SRGAP3: variants seen among roughly 807,000 people sequenced by gnomAD.
SRGAP3 encodes the protein SLIT-ROBO Rho GTPase-activating protein 3.
In SRGAP3, 39 loss-of-function variants were observed where a neutral mutation model predicts 121.1. That is an observed-to-expected ratio of 0.32 (90% CI 0.25 to 0.42). SRGAP3 has a LOEUF of 0.42. Among genes scored for constraint, SRGAP3 ranks in the 10% least tolerant of loss-of-function variants. The pLI is 1.00. For synonymous variants in SRGAP3, 601 were observed against 570.0 expected, an observed-to-expected ratio of 1.05 and a Z score of -0.77; for missense variants, 1,213 against 1,470.6, an observed-to-expected ratio of 0.82 and a Z score of 2.86.
At chr3:9,261,693 G>A (rs374358996) in intron 3 of SRGAP3, among the ~76,000 whole-genome samples, 12 of 151,890 alleles carry the variant, frequency 7.9e-5, no homozygotes, top group Admixed American at 5.9e-4. Flanking sequence ...AGAAATATGA[G>A]ACTATGTGAA....
intron 14 of SRGAP3, among the ~76,000 whole-genome samples, chr3:9,024,668 G>A (rs1387208038): frequency 6.6e-6 from 1 of 152,148 alleles, no homozygotes; most frequent in Non-Finnish European, 1.5e-5. Flanking sequence ...ATCAAAATGG[G>A]AACTAGGTCA....
chr3:9,100,667 A>G (rs1948181120), intron 3 of SRGAP3, among the ~76,000 whole-genome samples: 1 of 152,254 alleles, frequency 6.6e-6, no homozygotes. Context: ...TGGTACAAAA[A>G]TACAAGGGAC....
chr3:9,084,601 C>A (rs1420986343), intron 3 of SRGAP3, among the ~76,000 whole-genome samples: 1 of 152,150 alleles, frequency 6.6e-6, no homozygotes, highest in Non-Finnish European at 1.5e-5. Context: ...AAGTCACTTT[C>A]AGCTGGGGTT....
upstream of SRGAP3, among the ~76,000 whole-genome samples, chr3:9,253,831 C>T (rs1304306992): frequency 6.6e-6 from 1 of 152,160 alleles, no homozygotes; most frequent in Non-Finnish European, 1.5e-5. Flanking sequence ...TCACAATAAC[C>T]CTGGGAGGGG....
intron 14 of SRGAP3, among the ~76,000 whole-genome samples, chr3:9,020,558 T>C (rs1379022736): frequency 2.0e-5 from 3 of 152,214 alleles, no homozygotes; most frequent in East Asian, 1.9e-4. Flanking sequence ...TGCCTAGTAC[T>C]AGTTCCCGTT....
At chr3:9,254,923 G>C (rs1366584637) in intron 3 of SRGAP3, among the ~76,000 whole-genome samples, 1 of 146,634 alleles carries the variant, frequency 6.8e-6, no homozygotes, top group African/African-American at 2.5e-5. Flanking sequence ...AGGGGAAAGA[G>C]AGAGAGAAAG....
chr3:9,234,847 T>G (rs973543988), intron 1 of SRGAP3, among the ~76,000 whole-genome samples: 1 of 152,122 alleles, frequency 6.6e-6, no homozygotes, highest in African/African-American at 2.4e-5. Context: ...AGGGAGGGTC[T>G]CCAGCTGCTG....
rs1198187147 is a variant in SRGAP3 at position 9,259,847 on chromosome 3, CA to C, written n.442+66162del. Among the ~76,000 whole-genome samples, 8 of 133,074 alleles carry C rather than the reference CA, an allele frequency of 6.0e-5. 1 individual carries two copies. Among genetic ancestry groups the C allele is most frequent in the Non-Finnish European group, 1.3e-4 (8 of 60,258 alleles). 87.3% of individuals were successfully genotyped at this position (133,074 alleles called of 152,430 possible). Reference sequence around the variant, plus strand: ...AGTTTAAATCTAAATAGCTGGGGGCCAGGGGTGGGGCTGGCAAGATGGCCAA... The same window carrying C: ...AGTTTAAATCTAAATAGCTGGGGGCCGGGGTGGGGCTGGCAAGATGGCCAA... On this transcript the variant is annotated intron_variant and non_coding_transcript_variant, in intron 3 of 3. Transcript: ENST00000490889.
chr3:9,090,974 C>T (rs1343698926), intron 3 of SRGAP3, among the ~76,000 whole-genome samples: 1 of 152,050 alleles, frequency 6.6e-6, no homozygotes, highest in Non-Finnish European at 1.5e-5. Context: ...TGTCTATCTC[C>T]CTCAAAATAA....
chr3:9,211,422 A>G (rs1193499035), intron 1 of SRGAP3, among the ~76,000 whole-genome samples: 1 of 152,142 alleles, frequency 6.6e-6, no homozygotes, highest in Non-Finnish European at 1.5e-5. Flanking sequence ...CTATTCCCCA[A>G]CCACCTTGAA....
rs1421226502 is a variant in SRGAP3 at position 9,333,415 on chromosome 3, C to T, written n.215-2819G>A. On this transcript the variant is annotated intron_variant and non_coding_transcript_variant, in intron 1 of 3. Coordinates refer to the SRGAP3 transcript ENST00000490889. Reference sequence around the variant, plus strand: ...ATTACACCCACTCAGCCTTTCCTTCCTCTCCATTTCTCATATTTCTTGGTC... The same window carrying T: ...ATTACACCCACTCAGCCTTTCCTTCTTCTCCATTTCTCATATTTCTTGGTC... 2.0e-5 allele frequency among the ~76,000 whole-genome samples: 3 copies of T among 152,026 alleles called. 1 individual carries two copies. Among genetic ancestry groups the T allele is most frequent in the Non-Finnish European group, 2.9e-5 (2 of 68,022 alleles).
intron 4 of SRGAP3, among the ~76,000 whole-genome samples, chr3:9,074,939 G>A (rs1043987723): frequency 3.3e-5 from 5 of 152,228 alleles, no homozygotes; most frequent in African/African-American, 1.2e-4. Context: ...CCTGGGCTTG[G>A]AAGGCCAGCC....
intron 1 of SRGAP3, among the ~76,000 whole-genome samples, chr3:9,158,600 G>T (rs1950504123): frequency 6.6e-6 from 1 of 152,128 alleles, no homozygotes; most frequent in Non-Finnish European, 1.5e-5. Flanking sequence ...AGGTCCCACA[G>T]GCAGAAAGTG....
At chr3:9,254,875 A>AAGAGAGAG (rs1336101536) in intron 3 of SRGAP3, among the ~76,000 whole-genome samples, 2 of 148,746 alleles carry the variant, frequency 1.3e-5, no homozygotes, top group African/African-American at 4.9e-5. Context: ...GAGAGAGAGA[A>AAGAGAGAG]AGAGAGAGAG....
rs1559232573 is a variant in SRGAP3, at chr3:9,235,497, C to CTTTGTCTTTTTTT, written c.67+13387_67+13388insAAAAAAAGACAAA. 3 of 124,048 alleles carry CTTTGTCTTTTTTT rather than the reference C, an allele frequency of 2.4e-5. 1 individual carries two copies. The highest frequency in any genetic ancestry group is 5.0e-5 in the Non-Finnish European group (3 of 59,788). 7.7% of individuals were successfully genotyped at this position (124,048 alleles called of 1,614,324 possible). On this transcript the variant is annotated intron_variant, in intron 1 of 21. Transcript: ENST00000383836. ...GAGGAAACGAGTAGCTATTTTTTTT[C>CTTTGTCTTTTTTT]TTTTTCTTTTTTTTTTTTTTTTTTG...
chr3:9,089,969 A>G (rs1025908364), intron 3 of SRGAP3, among the ~76,000 whole-genome samples: 16 of 152,144 alleles, frequency 1.1e-4, no homozygotes, highest in Admixed American at 7.2e-4. Flanking sequence ...TACCAGGCCC[A>G]CTACGGCAGA....
chr3:9,149,691 C>T (rs1241155956), intron 1 of SRGAP3, among the ~76,000 whole-genome samples: 5 of 152,192 alleles, frequency 3.3e-5, no homozygotes, highest in African/African-American at 9.7e-5. Flanking sequence ...GTCACCTTAG[C>T]CAAACAGCCA....
chr3:9,188,654 G>A (rs962367503), intron 1 of SRGAP3, among the ~76,000 whole-genome samples: 3 of 152,218 alleles, frequency 2.0e-5, no homozygotes, highest in Non-Finnish European at 4.4e-5. Context: ...ATGGCCAGTT[G>A]TGCAAAGCAT....
chr3:9,171,631 A>G (rs1017502387), intron 1 of SRGAP3, among the ~76,000 whole-genome samples: 1 of 152,122 alleles, frequency 6.6e-6, no homozygotes, highest in African/African-American at 2.4e-5. Context: ...TTTTTTTATT[A>G]TTATTAAAAT....
Sources: gnomAD v4.1 joint callset for allele counts (sites outside exome capture counted in the v4.1 genomes callset) on GRCh38, gnomAD v4.1.1 for gene constraint, MANE v1.5 for transcripts, NCBI Gene and HGNC (gene_info 2026-07-23, HGNC 2026-07-21) for gene names.